Variants in ZNF385B observed in about 807,000 individuals in gnomAD.
ZNF385B encodes the protein zinc finger protein 533.
Under a neutral mutation model 39.2 loss-of-function variants are expected in ZNF385B, and 23 were observed. The ratio of observed to expected loss-of-function variants is 0.59; its 90% CI spans 0.42 to 0.83. ZNF385B has a LOEUF of 0.83. ZNF385B is among the 40% of genes least tolerant of loss of function. The pLI is 0.00. For missense variants in ZNF385B, 552 were observed against 598.9 expected, an observed-to-expected ratio of 0.92 and a Z score of 0.82; for synonymous variants, 205 against 222.6, an observed-to-expected ratio of 0.92 and a Z score of 0.70.
intron 3 of ZNF385B, among the ~76,000 whole-genome samples, chr2:179,671,850 G>A (rs928226797): frequency 6.6e-6 from 1 of 152,258 alleles, no homozygotes; most frequent in African/African-American, 2.4e-5. Flanking sequence ...GGAGGACTGT[G>A]GGAACCAGGC....
chr2:179,583,953 C>G (rs1170446615), intron 3 of ZNF385B: 26 of 1,303,988 alleles, frequency 2.0e-5, no homozygotes, highest in Non-Finnish European at 2.5e-5. Context: ...CATACCCACT[C>G]AGTTCATACA....
At chr2:179,745,534 T>C (rs1267882340) in intron 3 of ZNF385B, among the ~76,000 whole-genome samples, 1 of 152,168 alleles carries the variant, frequency 6.6e-6, no homozygotes, top group Non-Finnish European at 1.5e-5. Context: ...TGTAAGGAGT[T>C]ACTTCGCAAC....
intron 3 of ZNF385B, among the ~76,000 whole-genome samples, chr2:179,730,215 C>G (rs778427640): frequency 6.6e-6 from 1 of 152,178 alleles, no homozygotes; most frequent in Non-Finnish European, 1.5e-5. Flanking sequence ...ATGCCCGGGT[C>G]CTGGCTTAAT....
chr2:179,683,342 A>T (rs1182248815), intron 3 of ZNF385B, among the ~76,000 whole-genome samples: 1 of 152,030 alleles, frequency 6.6e-6, no homozygotes, highest in Non-Finnish European at 1.5e-5. Context: ...GTGAGTCGAG[A>T]TCATGGCACT....
chr2:179,691,455 C>T (rs1698345999), intron 3 of ZNF385B, among the ~76,000 whole-genome samples: 1 of 152,180 alleles, frequency 6.6e-6, no homozygotes, highest in Non-Finnish European at 1.5e-5. Flanking sequence ...TACCATTTCA[C>T]TGTCTCATTC....
chr2:179,625,726 A>G (rs1388940939), intron 3 of ZNF385B, among the ~76,000 whole-genome samples: 1 of 152,158 alleles, frequency 6.6e-6, no homozygotes, highest in Non-Finnish European at 1.5e-5. Context: ...AAGGAAAACG[A>G]TATCATAACT....
chr2:179,449,996 T>A (rs1159799236), intron 6 of ZNF385B, among the ~76,000 whole-genome samples: 3 of 152,098 alleles, frequency 2.0e-5, no homozygotes, highest in Non-Finnish European at 2.9e-5. Context: ...AAACAAGAAA[T>A]GGGGAAATGA....
intron 6 of ZNF385B, among the ~76,000 whole-genome samples, chr2:179,466,944 A>AAAG (rs2052100059): frequency 7.2e-6 from 1 of 138,332 alleles, no homozygotes; most frequent in African/African-American, 2.7e-5. Flanking sequence ...AAAAAAAAAA[A>AAAG]GAGAGAGAGA....
chr2:179,551,068 T>G (rs2060533612), intron 3 of ZNF385B, among the ~76,000 whole-genome samples: 1 of 152,102 alleles, frequency 6.6e-6, no homozygotes, highest in Non-Finnish European at 1.5e-5. Flanking sequence ...CTGGCAATAT[T>G]ACGTAAGACA....
intron 9 of ZNF385B, among the ~76,000 whole-genome samples, chr2:179,444,369 A>T (rs1365170391): frequency 1.3e-5 from 2 of 152,182 alleles, no homozygotes; most frequent in Non-Finnish European, 2.9e-5. Context: ...GACACTGAAA[A>T]TAGCACATAT....
chr2:179,705,065 AT>A (rs150026547), intron 3 of ZNF385B, among the ~76,000 whole-genome samples: 1,825 of 150,950 alleles, frequency 0.012, 23 homozygotes, highest in African/African-American at 0.03. Context: ...TCATAAATCT[AT>A]TTTTTTTTGT....
At chr2:179,668,344 A>G (rs1695450640) in intron 3 of ZNF385B, among the ~76,000 whole-genome samples, 1 of 152,238 alleles carries the variant, frequency 6.6e-6, no homozygotes, top group African/African-American at 2.4e-5. Flanking sequence ...TGAAGAGACC[A>G]CAATATACAG....
rs192815367 is a variant in ZNF385B, at chr2:179,834,178, T to C, written c.-155+26923A>G. On this transcript the variant is annotated intron_variant, in intron 1 of 9. Transcript: ENST00000410066. Reference sequence around the variant, plus strand: ...GTGCACTGAATAGTACTAAAAGCAATGATACCCCCATCCTGGAAGCAATAA... The same window carrying C: ...GTGCACTGAATAGTACTAAAAGCAACGATACCCCCATCCTGGAAGCAATAA... Among the ~76,000 whole-genome samples the C allele has an allele frequency of 2.6e-5, 4 of 152,228 alleles. No individual in the cohort carries two copies. The East Asian group carries it at 7.7e-4, about 29-fold the overall frequency.
intron 5 of ZNF385B, among the ~76,000 whole-genome samples, chr2:179,510,111 TA>T (rs2057550814): frequency 6.7e-6 from 1 of 149,680 alleles, no homozygotes. Context: ...TAGAATTATA[TA>T]AATATGCTAC....
chr2:179,723,969 T>C (rs1700849113), intron 3 of ZNF385B, among the ~76,000 whole-genome samples: 2 of 152,134 alleles, frequency 1.3e-5, no homozygotes, highest in South Asian at 2.1e-4. Flanking sequence ...ATTCTAGTAT[T>C]ACCAATTAGT....
At chr2:179,736,313 T>C (rs1205077168) in intron 3 of ZNF385B, among the ~76,000 whole-genome samples, 2 of 152,148 alleles carry the variant, frequency 1.3e-5, no homozygotes, top group Non-Finnish European at 2.9e-5. Flanking sequence ...TAATGGGACT[T>C]TTTTTTCTCT....
At position 179,554,535 on chromosome 2, in the gene ZNF385B, G is replaced by C. The variant is rs574630099; in HGVS notation, c.299-9566C>G. Among the ~76,000 whole-genome samples, 2 of 149,172 alleles carry C rather than the reference G, an allele frequency of 1.3e-5. 1 individual carries two copies. The highest frequency in any genetic ancestry group is 3.0e-5 in the Non-Finnish European group (2 of 67,580). The stretch of plus-strand genomic sequence containing the variant: ...GTAAAACCGAAAATAGAAAAACAGA[G>C]TATCTTTGTGACCTTGGACTAAGCG... On this transcript the variant is annotated intron_variant, in intron 3 of 9. Transcript: ENST00000410066.
intron 3 of ZNF385B, among the ~76,000 whole-genome samples, chr2:179,733,809 G>A (rs998986216): frequency 2.1e-5 from 3 of 144,074 alleles, no homozygotes; most frequent in African/African-American, 5.2e-5. Flanking sequence ...AAAAGTACAA[G>A]AGTATAATAG....
intron 5 of ZNF385B, among the ~76,000 whole-genome samples, chr2:179,484,590 T>C (rs2105605530): frequency 6.6e-6 from 1 of 151,938 alleles, no homozygotes; most frequent in Admixed American, 6.6e-5. Context: ...GTGATAAGTG[T>C]GTGTGTAGGT....
Sources: gnomAD v4.1 joint callset for allele counts (sites outside exome capture counted in the v4.1 genomes callset) on GRCh38, gnomAD v4.1.1 for gene constraint, MANE v1.5 for transcripts, NCBI Gene and HGNC (gene_info 2026-07-23, HGNC 2026-07-21) for gene names.